Variants in EVA1C observed in about 807,000 individuals in gnomAD.
EVA1C encodes the protein protein eva-1 homolog C.
Under a neutral mutation model 45.4 loss-of-function variants are expected in EVA1C, and 25 were observed. The observed-to-expected ratio is 0.55, with a 90% CI of 0.40 to 0.77. The LOEUF is 0.77. Among genes scored for constraint, EVA1C ranks in the 30% least tolerant of loss-of-function variants. The probability of loss-of-function intolerance (pLI) is 0.00; values close to 1 mark genes in which losing one functional copy is unlikely to be tolerated. For missense variants in EVA1C, 479 were observed against 554.8 expected (o/e 0.86, Z 1.37); for synonymous variants, 190 against 221.2 (o/e 0.86, Z 1.25).
At chr21:32,477,618 T>A (rs2036612007) in intron 4 of EVA1C, among the ~76,000 whole-genome samples, 1 of 151,462 alleles carries the variant, frequency 6.6e-6, no homozygotes, top group Non-Finnish European at 1.5e-5. Flanking sequence ...CCCACATGAG[T>A]CTCTTATGTG....
rs2035834258 is a variant in EVA1C, at chr21:32,457,614, C to G, written c.375C>G (p.Cys125Trp). ...ATTFQKVLDECQNQRACHLLV... is the reference protein window; with the variant it reads ...ATTFQKVLDEWQNQRACHLLV... ...CCTTCTAGAAGGTGCTGGACGAATG[C>G]CAGAACCAGCGGGCCTGCCACCTCC... The change falls in exon 3 of 8, where the codon TGC (cysteine) becomes TGG (tryptophan). Residue 125 changes from cysteine (C) to tryptophan (W), a missense_variant. Physicochemically the swap from Cys to Trp is radical, Grantham distance 215 (BLOSUM62 -2). Around this residue, in one of 3 missense-constraint regions of EVA1C, gnomAD observed 366 missense variants for 426.1 expected, o/e 0.86. Coordinates refer to ENST00000300255, the MANE Select transcript of EVA1C (RefSeq NM_058187.5). 1.2e-6 allele frequency: 2 copies of G among 1,614,130 alleles called. No individual in the cohort carries two copies. The highest frequency in any genetic ancestry group is 1.7e-6 in the Non-Finnish European group (2 of 1,180,002).
At chr21:32,433,400 A>G (rs111323209) in intron 1 of EVA1C, 217 of 135,650 alleles carry the variant, frequency 1.6e-3, no homozygotes, top group Middle Eastern at 7.8e-3. Context: ...CAGGCAGAGC[A>G]ATGAGCAGTG....
intron 3 of EVA1C, among the ~76,000 whole-genome samples, chr21:32,464,066 A>G (rs2036092001): frequency 6.6e-6 from 1 of 152,240 alleles, no homozygotes; most frequent in African/African-American, 2.4e-5. Context: ...TAAACTGCAT[A>G]TAAATGCCAG....
At chr21:32,457,071 G>A (rs1330718556) in intron 2 of EVA1C, among the ~76,000 whole-genome samples, 1 of 152,098 alleles carries the variant, frequency 6.6e-6, no homozygotes, top group Non-Finnish European at 1.5e-5. Context: ...TTATTTTTTG[G>A]CCTGTGGATG....
At chr21:32,434,634 TTTTATA>T (rs1206817905) in intron 1 of EVA1C, among the ~76,000 whole-genome samples, 3 of 129,826 alleles carry the variant, frequency 2.3e-5, no homozygotes, top group African/African-American at 5.5e-5. Context: ...ATAAATAAAA[TTTTATA>T]TATATATAGA....
At chr21:32,427,271 T>C (rs955700353) in intron 1 of EVA1C, among the ~76,000 whole-genome samples, 1 of 152,202 alleles carries the variant, frequency 6.6e-6, no homozygotes, top group Non-Finnish European at 1.5e-5. Flanking sequence ...TGACGATGTA[T>C]ATAATACATT....
chr21:32,483,577 A>G (rs1249868336), intron 4 of EVA1C, among the ~76,000 whole-genome samples: 2 of 152,168 alleles, frequency 1.3e-5, no homozygotes, highest in Admixed American at 1.3e-4. Context: ...TGATCCAGGA[A>G]CCAGACAGAA....
chr21:32,499,555 T>G (rs1257605124), intron 5 of EVA1C, among the ~76,000 whole-genome samples: 1 of 152,178 alleles, frequency 6.6e-6, no homozygotes, highest in Non-Finnish European at 1.5e-5. Flanking sequence ...TTGTTGATCC[T>G]GGGACATCCC....
At chr21:32,413,813 T>A (rs1396757388) in intron 1 of EVA1C, among the ~76,000 whole-genome samples, 6 of 152,210 alleles carry the variant, frequency 3.9e-5, no homozygotes, top group Admixed American at 3.9e-4. Flanking sequence ...TCCTTGCCGC[T>A]GAAGCACACC....
intron 1 of EVA1C, among the ~76,000 whole-genome samples, chr21:32,426,118 C>A (rs1348404674): frequency 6.6e-6 from 1 of 152,162 alleles, no homozygotes; most frequent in Non-Finnish European, 1.5e-5. Context: ...CTTCTCCACC[C>A]TCTCTAGCCC....
At chr21:32,487,202 G>C (rs1240957578) in intron 4 of EVA1C, among the ~76,000 whole-genome samples, 1 of 152,110 alleles carries the variant, frequency 6.6e-6, no homozygotes, top group Non-Finnish European at 1.5e-5. Context: ...CCCTAATGAT[G>C]GGGGGCTGGT....
chr21:32,484,017 T>C (rs1163020025), intron 4 of EVA1C, among the ~76,000 whole-genome samples: 1 of 151,778 alleles, frequency 6.6e-6, no homozygotes, highest in Non-Finnish European at 1.5e-5. Context: ...TATATTTAAA[T>C]TGTCCTTCCC....
At chr21:32,479,967 G>A (rs1221232733) in intron 4 of EVA1C, among the ~76,000 whole-genome samples, 1 of 151,826 alleles carries the variant, frequency 6.6e-6, no homozygotes, top group Non-Finnish European at 1.5e-5. Context: ...GCATGCCTTG[G>A]TAAACTTTTT....
chr21:32,454,476 A>C (rs1355174804), intron 2 of EVA1C, among the ~76,000 whole-genome samples: 2 of 152,118 alleles, frequency 1.3e-5, no homozygotes, highest in Non-Finnish European at 2.9e-5. Context: ...AGGTCAAACT[A>C]ATATTTCAAT....
At chr21:32,495,438 G>C (rs761826656) in intron 5 of EVA1C, among the ~76,000 whole-genome samples, 2 of 152,168 alleles carry the variant, frequency 1.3e-5, no homozygotes, top group African/African-American at 2.4e-5. Context: ...GGGGAGGGTG[G>C]AGAAGGAACA....
At chr21:32,505,992 G>A (rs2037711241) in intron 7 of EVA1C, among the ~76,000 whole-genome samples, 2 of 152,018 alleles carry the variant, frequency 1.3e-5, no homozygotes, top group African/African-American at 2.4e-5. Context: ...GACAGCGGCA[G>A]GGCCAGGATT....
At chr21:32,432,042 A>G (rs1271028290) in intron 1 of EVA1C, among the ~76,000 whole-genome samples, 1 of 151,652 alleles carries the variant, frequency 6.6e-6, no homozygotes, top group Non-Finnish European at 1.5e-5. Flanking sequence ...GTTTTTCTTT[A>G]TCTTTCATGG....
chr21:32,468,516 G>A (rs1231907171), intron 4 of EVA1C, among the ~76,000 whole-genome samples: 1 of 151,266 alleles, frequency 6.6e-6, no homozygotes, highest in East Asian at 1.9e-4. Context: ...ACATAAAGGG[G>A]AGTTTATTAA....
chr21:32,507,963 ATCTG>A (rs2037825296), intron 7 of EVA1C, among the ~76,000 whole-genome samples: 1 of 133,580 alleles, frequency 7.5e-6, no homozygotes, highest in Non-Finnish European at 1.6e-5. Flanking sequence ...GTGTGTGTGT[ATCTG>A]TATGTGTGCC....
Sources: gnomAD v4.1 joint callset for allele counts (sites outside exome capture counted in the v4.1 genomes callset) on GRCh38, gnomAD v4.1.1 for gene constraint, gnomAD v4.1.1 regional missense constraint, MANE v1.5 for transcripts, NCBI Gene and HGNC (gene_info 2026-07-23, HGNC 2026-07-21) for gene names.